TMEM117: variants seen among roughly 807,000 people sequenced by gnomAD.
The protein encoded by TMEM117 is transmembrane protein 117.
A neutral mutation model predicts 52.4 loss-of-function variants in TMEM117; 27 were observed. The observed-to-expected ratio is 0.51, with a 90% CI of 0.38 to 0.71. The LOEUF (loss-of-function observed/expected upper bound fraction) is 0.71, where lower values mean the gene tolerates loss of function less well. TMEM117 is among the 30% of genes least tolerant of loss of function. TMEM117 has a pLI of 0.00. For missense variants in TMEM117, 556 were observed against 630.5 expected, an observed-to-expected ratio of 0.88 and a Z score of 1.26; for synonymous variants, 215 against 206.3, an observed-to-expected ratio of 1.04 and a Z score of -0.36.
intron 4 of TMEM117, among the ~76,000 whole-genome samples, chr12:44,149,455 AGC>A (rs1948690954): frequency 6.6e-6 from 1 of 152,238 alleles, no homozygotes; most frequent in African/African-American, 2.4e-5. Flanking sequence ...TATTCCTTCT[AGC>A]TTAAATATAG....
intron 2 of TMEM117, among the ~76,000 whole-genome samples, chr12:43,912,512 TATATA>T (rs1944528067): frequency 6.7e-5 from 1 of 14,960 alleles, no homozygotes; most frequent in Admixed American, 2.3e-3. Flanking sequence ...ATAATTTATA[TATATA>T]TATATATATA....
intron 3 of TMEM117, among the ~76,000 whole-genome samples, chr12:44,082,949 C>G (rs1050769657): frequency 2.6e-5 from 4 of 151,934 alleles, no homozygotes; most frequent in African/African-American, 9.7e-5. Context: ...CCTGATGTTG[C>G]TTATCTTTGA....
At chr12:43,827,677 T>C in the TMEM117 span, among the ~76,000 whole-genome samples, 1 of 152,206 alleles carries the variant, frequency 6.6e-6, no homozygotes, top group African/African-American at 2.4e-5. Flanking sequence ...TTATGACATA[T>C]AGATGAGGGA....
chr12:43,864,798 G>A (rs1943556282), intron 2 of TMEM117, among the ~76,000 whole-genome samples: 1 of 151,546 alleles, frequency 6.6e-6, no homozygotes, highest in Non-Finnish European at 1.5e-5. Context: ...CCAGCAGGGG[G>A]TCCACACTGT....
At chr12:44,143,084 A>G (rs968041050) in intron 3 of TMEM117, among the ~76,000 whole-genome samples, 1 of 152,192 alleles carries the variant, frequency 6.6e-6, no homozygotes, top group East Asian at 1.9e-4. Flanking sequence ...GTATGATGTT[A>G]TATCTAAAGC....
intron 3 of TMEM117, 122 bp downstream of exon 3, chr12:43,944,464 G>A (rs1945097090): frequency 1.1e-6 from 1 of 930,784 alleles, no homozygotes; most frequent in Non-Finnish European, 1.6e-6. Flanking sequence ...CTAAGAAGAA[G>A]GAGTATTTTA....
chr12:43,825,141 T>A, the TMEM117 span, among the ~76,000 whole-genome samples: 1 of 152,212 alleles, frequency 6.6e-6, no homozygotes, highest in Non-Finnish European at 1.5e-5. Flanking sequence ...TTGTTTAAAG[T>A]GAAATCTACT....
the TMEM117 span, among the ~76,000 whole-genome samples, chr12:43,795,985 T>TA: frequency 6.6e-6 from 1 of 152,162 alleles, no homozygotes; most frequent in African/African-American, 2.4e-5. Flanking sequence ...TGCTCCAGTT[T>TA]AAATAATGTT....
intron 3 of TMEM117, among the ~76,000 whole-genome samples, chr12:44,087,561 C>G (rs1947592047): frequency 6.6e-6 from 1 of 152,076 alleles, no homozygotes; most frequent in South Asian, 2.1e-4. Context: ...TCTGCAGGCT[C>G]TGGTGATGGC....
At chr12:43,931,958 T>C (rs915662194) in intron 2 of TMEM117, among the ~76,000 whole-genome samples, 46 of 152,202 alleles carry the variant, frequency 3.0e-4, no homozygotes, top group Non-Finnish European at 6.2e-4. Flanking sequence ...GCGTTTGGTC[T>C]GAAAGTAAGT....
At chr12:44,362,794 A>C (rs894855071) in intron 6 of TMEM117, among the ~76,000 whole-genome samples, 3 of 151,738 alleles carry the variant, frequency 2.0e-5, no homozygotes, top group African/African-American at 7.3e-5. Flanking sequence ...ACATCTCTAC[A>C]CAATTTGGCA....
chr12:44,328,908 TAC>T (rs1403560596), intron 6 of TMEM117, among the ~76,000 whole-genome samples: 1 of 151,916 alleles, frequency 6.6e-6, no homozygotes, highest in Non-Finnish European at 1.5e-5. Context: ...CCTGATGTAA[TAC>T]CAGAAATAAG....
intron 2 of TMEM117, among the ~76,000 whole-genome samples, chr12:43,914,712 A>G (rs1479728343): frequency 6.6e-6 from 1 of 152,140 alleles, no homozygotes; most frequent in Non-Finnish European, 1.5e-5. Context: ...TCTTTCATTC[A>G]TGAAATAAAT....
intron 3 of TMEM117, among the ~76,000 whole-genome samples, chr12:43,981,093 C>G (rs78182658): frequency 6.6e-6 from 1 of 152,096 alleles, no homozygotes; most frequent in Non-Finnish European, 1.5e-5. Flanking sequence ...CAAAGCTTCC[C>G]GGCCTTCCAA....
intron 6 of TMEM117, among the ~76,000 whole-genome samples, chr12:44,320,273 G>A (rs955046826): frequency 7.2e-5 from 11 of 152,038 alleles, no homozygotes; most frequent in African/African-American, 2.7e-4. Flanking sequence ...TTTTGAATCT[G>A]CCCCTCCTTT....
At chr12:44,034,979 C>T (rs995714666) in intron 3 of TMEM117, among the ~76,000 whole-genome samples, 2 of 152,206 alleles carry the variant, frequency 1.3e-5, no homozygotes, top group African/African-American at 4.8e-5. Context: ...TCGCCTTAAG[C>T]TGGAACATCT....
At chr12:44,185,025 C>G (rs1034444267) in intron 4 of TMEM117, among the ~76,000 whole-genome samples, 1 of 152,172 alleles carries the variant, frequency 6.6e-6, no homozygotes, top group Non-Finnish European at 1.5e-5. Flanking sequence ...TCACCTCTTT[C>G]AGGAAGCTTC....
chr12:44,356,096 C>T (rs1032676096), intron 6 of TMEM117, among the ~76,000 whole-genome samples: 1 of 152,084 alleles, frequency 6.6e-6, no homozygotes, highest in Non-Finnish European at 1.5e-5. Flanking sequence ...ACCCATTGGT[C>T]ACTTCTCAGA....
Position 44,388,501 on chromosome 12 carries a change from A to G in TMEM117, c.1374A>G (p.Glu458=). 6.2e-7 allele frequency: 1 copy of G among 1,613,568 alleles called. No homozygotes were observed. The highest frequency in any genetic ancestry group is 2.2e-5 in the East Asian group (1 of 44,848). The part of the protein sequence containing the change: ...ITRENTQASV[E]DPLNDPSLVC... The stretch of plus-strand genomic sequence containing the variant: ...GAGAAAACACCCAGGCTTCAGTAGA[A>G]GACCCCTTGAATGACCCTTCTTTGG... Residue 458 remains glutamate, a synonymous_variant, in exon 8 of 8, where the codon GAA becomes GAG. Coordinates refer to ENST00000266534, the MANE Select transcript of TMEM117 (RefSeq NM_032256.3).
Sources: gnomAD v4.1 joint callset for allele counts (sites outside exome capture counted in the v4.1 genomes callset) on GRCh38, gnomAD v4.1.1 for gene constraint, MANE v1.5 for transcripts, NCBI Gene and HGNC (gene_info 2026-07-23, HGNC 2026-07-21) for gene names.